TBC1D5: variants seen among roughly 807,000 people sequenced by gnomAD.
TBC1D5 encodes the protein TBC1 domain family, member 5.
Under a neutral mutation model 100.3 loss-of-function variants are expected in TBC1D5, and 75 were observed. That is an observed-to-expected ratio of 0.75 (90% CI 0.62 to 0.91). The LOEUF is 0.91. Ranked by LOEUF, TBC1D5 falls within the 40% of genes least tolerant of loss-of-function variation. TBC1D5 has a pLI of 0.00. For synonymous variants in TBC1D5, 323 were observed against 325.6 expected, an observed-to-expected ratio of 0.99 and a Z score of 0.09; for missense variants, 910 against 942.4, an observed-to-expected ratio of 0.97 and a Z score of 0.45.
intron 3 of TBC1D5, among the ~76,000 whole-genome samples, chr3:17,430,618 G>A (rs1490173247): frequency 6.6e-6 from 1 of 151,834 alleles, no homozygotes; most frequent in Non-Finnish European, 1.5e-5. Context: ...GCTATATGGG[G>A]AAAAGGCAAT....
At chr3:17,330,608 C>A (rs1414761646) in intron 13 of TBC1D5, among the ~76,000 whole-genome samples, 3 of 152,110 alleles carry the variant, frequency 2.0e-5, no homozygotes, top group South Asian at 4.1e-4. Context: ...AGAAAATTAC[C>A]AGCACCCAAG....
chr3:17,559,082 T>TTAAA (rs10575585), intron 2 of TBC1D5, among the ~76,000 whole-genome samples: 18,697 of 149,750 alleles, frequency 0.12, 1,149 homozygotes, highest in East Asian at 0.17. Flanking sequence ...TCTCTTTCTC[T>TTAAA]TAAATAAATA....
chr3:17,708,934 A>G (rs2074428115), intron 1 of TBC1D5, among the ~76,000 whole-genome samples: 1 of 152,244 alleles, frequency 6.6e-6, no homozygotes. Flanking sequence ...TAACAGGTAC[A>G]TATGCACCAC....
At chr3:17,352,873 A>G (rs1360969223) in intron 13 of TBC1D5, among the ~76,000 whole-genome samples, 1 of 152,064 alleles carries the variant, frequency 6.6e-6, no homozygotes, top group East Asian at 1.9e-4. Flanking sequence ...GAGAGCTAAT[A>G]CCACTCAAGT....
At chr3:17,350,574 T>C (rs1156826206) in intron 13 of TBC1D5, among the ~76,000 whole-genome samples, 1 of 152,196 alleles carries the variant, frequency 6.6e-6, no homozygotes, top group Admixed American at 6.6e-5. Context: ...TGCTCAGTAA[T>C]GGCCTATGGA....
intron 4 of TBC1D5, among the ~76,000 whole-genome samples, chr3:17,423,266 A>T (rs1483587009): frequency 6.6e-6 from 1 of 152,150 alleles, no homozygotes; most frequent in Non-Finnish European, 1.5e-5. Context: ...TCAAATATGA[A>T]ATACAATATT....
At chr3:17,341,417 C>T (rs925533864) in intron 13 of TBC1D5, among the ~76,000 whole-genome samples, 19 of 152,066 alleles carry the variant, frequency 1.2e-4, no homozygotes, top group Admixed American at 8.5e-4. Context: ...AGGATGGTCT[C>T]GATCTCCTGA....
intron 4 of TBC1D5, among the ~76,000 whole-genome samples, chr3:17,425,994 C>A (rs1575849739): frequency 1.3e-5 from 2 of 151,446 alleles, no homozygotes; most frequent in East Asian, 1.9e-4. Flanking sequence ...TAAATCTTAA[C>A]CCTAGACACA....
chr3:17,383,847 A>C, intron 9 of TBC1D5, 66 bp downstream of exon 9: 1 of 1,255,748 alleles, frequency 8.0e-7, no homozygotes, highest in Non-Finnish European at 1.1e-6. Context: ...TTATTGCTCT[A>C]TCATTTGTCA....
At chr3:17,652,659 AATACCT>A (rs2065689561) in intron 1 of TBC1D5, among the ~76,000 whole-genome samples, 1 of 152,224 alleles carries the variant, frequency 6.6e-6, no homozygotes, top group Non-Finnish European at 1.5e-5. Context: ...TAGAATGACA[AATACCT>A]TCAGGTTTTA....
intron 1 of TBC1D5, among the ~76,000 whole-genome samples, chr3:17,718,258 C>T (rs1239379616): frequency 6.6e-6 from 1 of 152,166 alleles, no homozygotes; most frequent in Non-Finnish European, 1.5e-5. Flanking sequence ...ATGAATGGAC[C>T]TGTTTTTATT....
chr3:17,476,970 T>C (rs1219317861), intron 3 of TBC1D5, among the ~76,000 whole-genome samples: 1 of 151,974 alleles, frequency 6.6e-6, no homozygotes, highest in African/African-American at 2.4e-5. Flanking sequence ...AATTTATGTG[T>C]AGATTTTTAT....
At chr3:17,358,210 G>T (rs2091397334) in intron 13 of TBC1D5, among the ~76,000 whole-genome samples, 1 of 151,986 alleles carries the variant, frequency 6.6e-6, no homozygotes, top group Non-Finnish European at 1.5e-5. Context: ...TTTTGAGAAG[G>T]AGTTTCACCT....
chr3:17,166,984 TGCTA>T, intron 20 of TBC1D5, 56 bp from the exon 22 acceptor site: 1 of 1,504,988 alleles, frequency 6.6e-7, no homozygotes, highest in Non-Finnish European at 8.9e-7. Flanking sequence ...TGTTTTCAGA[TGCTA>T]GCTAAATCTC....
At chr3:17,448,457 A>T (rs1313422760) in intron 3 of TBC1D5, among the ~76,000 whole-genome samples, 1 of 152,236 alleles carries the variant, frequency 6.6e-6, no homozygotes, top group East Asian at 1.9e-4. Flanking sequence ...ACATCAGAGG[A>T]ATCACTATCT....
At chr3:17,436,959 C>A (rs1447094348) in intron 3 of TBC1D5, among the ~76,000 whole-genome samples, 1 of 152,130 alleles carries the variant, frequency 6.6e-6, no homozygotes, top group African/African-American at 2.4e-5. Flanking sequence ...ATGTGTCCAT[C>A]AAAAAGCATG....
chr3:17,282,876 G>A (rs1468957220), intron 15 of TBC1D5, among the ~76,000 whole-genome samples: 1 of 152,174 alleles, frequency 6.6e-6, no homozygotes, highest in African/African-American at 2.4e-5. Flanking sequence ...ATTTATTAGA[G>A]ACTCCTTACA....
rs149191584 is a variant in TBC1D5, at chr3:17,610,933, C to T, written c.-36+12916G>A. On this transcript the variant is annotated intron_variant, in intron 2 of 21. Coordinates refer to ENST00000253692, the Ensembl canonical transcript of TBC1D5. ...GCTGAGGCAGGAGAATGACTTGAAC[C>T]TGGGAGGCAGAGGTTGCAGTGAGCC... 3.5e-3 allele frequency among the ~76,000 whole-genome samples: 530 copies of T among 152,192 alleles called. 3 individuals are homozygous for T. The highest frequency in any genetic ancestry group is 0.012 in the African/African-American group (502 of 41,512).
intron 4 of TBC1D5, among the ~76,000 whole-genome samples, chr3:17,410,110 C>G (rs1422965789): frequency 6.6e-6 from 1 of 152,076 alleles, no homozygotes; most frequent in African/African-American, 2.4e-5. Flanking sequence ...CAGGATAATG[C>G]AGCTGGTGAC....
Sources: allele counts gnomAD v4.1 joint callset (sites outside exome capture counted in the v4.1 genomes callset), GRCh38; gene constraint gnomAD v4.1.1; transcripts MANE v1.5; gene names NCBI Gene and HGNC (gene_info 2026-07-23, HGNC 2026-07-21).